Variants in CHN1 observed in about 807,000 individuals in gnomAD.
CHN1 encodes N-chimaerin.
A neutral mutation model predicts 59.5 loss-of-function variants in CHN1; 37 were observed. The ratio of observed to expected loss-of-function variants is 0.62; its 90% confidence interval spans 0.48 to 0.82. CHN1 has a LOEUF of 0.82. Among genes scored for constraint, CHN1 ranks in the 40% least tolerant of loss-of-function variants. The probability of loss-of-function intolerance (pLI) is 0.00; values close to 1 mark genes in which losing one functional copy is unlikely to be tolerated. For synonymous variants in CHN1, 206 were observed against 200.4 expected (o/e 1.03, Z -0.24); for missense variants, 469 against 571.0 (o/e 0.82, Z 1.82).
At chr2:174,822,417 A>G (rs1264994993) in intron 8 of CHN1, among the ~76,000 whole-genome samples, 1 of 152,206 alleles carries the variant, frequency 6.6e-6, no homozygotes, top group Non-Finnish European at 1.5e-5. Flanking sequence ...GTTGTAGCGT[A>G]TTCCCAAAGA....
At chr2:174,971,021 AAT>A (rs1463820881) in intron 1 of CHN1, among the ~76,000 whole-genome samples, 1 of 152,226 alleles carries the variant, frequency 6.6e-6, no homozygotes, top group African/African-American at 2.4e-5. Context: ...TACATTTAAA[AAT>A]ATAGTCATTT....
chr2:174,990,289 G>C (rs1438926307), intron 1 of CHN1, among the ~76,000 whole-genome samples: 1 of 134,554 alleles, frequency 7.4e-6, no homozygotes, highest in Admixed American at 7.6e-5. Context: ...GAGAGAGAGC[G>C]CGAGCGCAAG....
intron 8 of CHN1, among the ~76,000 whole-genome samples, chr2:174,815,155 T>A (rs1403989476): frequency 6.6e-6 from 1 of 152,148 alleles, no homozygotes; most frequent in African/African-American, 2.4e-5. Flanking sequence ...AGTGGGAGAA[T>A]TGCTTAAGGC....
intron 6 of CHN1, 67 bp from the exon 7 acceptor site, chr2:174,847,024 C>A: frequency 6.4e-7 from 1 of 1,551,624 alleles, no homozygotes; most frequent in South Asian, 1.2e-5. Context: ...AACCCAGTTT[C>A]ATTCCCAAGG....
rs1160980146 is a variant in CHN1, at chr2:174,847,393, TAAAAAG to T, written c.550-442_550-437del. On this transcript the variant is annotated intron_variant, in intron 6 of 12. Coordinates refer to ENST00000409900, the MANE Select transcript of CHN1 (RefSeq NM_001822.7). ...CTAAAAACTTGAGTCTGAACAGAAA[TAAAAAG>T]AAAGAGTCGATGCTAACATACAAAA... 8 of 1,231,486 alleles carry T rather than the reference TAAAAAG, an allele frequency of 6.5e-6. No individual in the cohort carries two copies. The Admixed American group carries it at 1.2e-4, about 18-fold the overall frequency. 76.3% of individuals were successfully genotyped at this position (1,231,486 alleles called of 1,614,324 possible).
At chr2:174,801,894 A>G (rs2105371039) in intron 11 of CHN1, 82 bp from the exon 12 acceptor site, 1 of 1,028,616 alleles carries the variant, frequency 9.7e-7, no homozygotes, top group Non-Finnish European at 1.5e-6. Flanking sequence ...TATTCTTGTG[A>G]TAATGCTCTG....
chr2:174,821,740 C>G, intron 8 of CHN1: 1 of 462,736 alleles, frequency 2.2e-6, no homozygotes, highest in Non-Finnish European at 4.5e-6. Flanking sequence ...AGACACTGAA[C>G]CTGCTGCCAG....
At chr2:174,904,707 G>C (rs1688490644) in intron 5 of CHN1, among the ~76,000 whole-genome samples, 1 of 152,300 alleles carries the variant, frequency 6.6e-6, no homozygotes. Flanking sequence ...TTTTAAACAA[G>C]TTATATTTCT....
intron 3 of CHN1, among the ~76,000 whole-genome samples, chr2:174,926,946 G>A (rs554092825): frequency 6.6e-6 from 1 of 152,094 alleles, no homozygotes; most frequent in East Asian, 1.9e-4. Flanking sequence ...TTTTAGTAGA[G>A]ACGGGGTTTC....
chr2:174,849,641 TC>T, intron 6 of CHN1, among the ~76,000 whole-genome samples: 1 of 152,340 alleles, frequency 6.6e-6, no homozygotes, highest in African/African-American at 2.4e-5. Flanking sequence ...AGCCATCTAC[TC>T]ATATATAGAA....
chr2:174,950,149 G>C (rs895541801), intron 2 of CHN1, among the ~76,000 whole-genome samples: 3 of 152,066 alleles, frequency 2.0e-5, no homozygotes, highest in Non-Finnish European at 4.4e-5. Flanking sequence ...TCAGGAGGTT[G>C]AAGTGGGAGG....
At chr2:174,918,074 CATT>C (rs1198609659) in intron 4 of CHN1, among the ~76,000 whole-genome samples, 2 of 151,970 alleles carry the variant, frequency 1.3e-5, no homozygotes, top group African/African-American at 2.4e-5. Context: ...AAATTGTTAA[CATT>C]AGTTGTTTCT....
chr2:174,946,851 C>T (rs939143797), intron 2 of CHN1, among the ~76,000 whole-genome samples: 6 of 142,868 alleles, frequency 4.2e-5, no homozygotes, highest in Non-Finnish European at 7.5e-5. Flanking sequence ...ATCATTTGAG[C>T]TCAAGAGACC....
chr2:174,879,297 GAAATA>G (rs1420619734), intron 5 of CHN1, among the ~76,000 whole-genome samples: 6 of 152,138 alleles, frequency 3.9e-5, no homozygotes, highest in South Asian at 2.1e-4. Flanking sequence ...GTATGGAAAG[GAAATA>G]AAATATTTTT....
chr2:174,930,927 A>T (rs2105387523), intron 3 of CHN1, among the ~76,000 whole-genome samples: 1 of 152,056 alleles, frequency 6.6e-6, no homozygotes, highest in South Asian at 2.1e-4. Context: ...CACCTACGCC[A>T]GGCTAATTTT....
chr2:174,887,526 G>C (rs1340340260), intron 5 of CHN1, among the ~76,000 whole-genome samples: 1 of 152,052 alleles, frequency 6.6e-6, no homozygotes, highest in African/African-American at 2.4e-5. Context: ...TATAGATAAG[G>C]AAACTGAAAC....
chr2:174,960,030 A>T (rs1690348703), intron 1 of CHN1, among the ~76,000 whole-genome samples: 2 of 152,124 alleles, frequency 1.3e-5, no homozygotes, highest in African/African-American at 4.8e-5. Flanking sequence ...TGGCATTTGG[A>T]GGCAGATGGG....
At chr2:174,955,544 C>T (rs1042341459) in intron 1 of CHN1, among the ~76,000 whole-genome samples, 3 of 151,724 alleles carry the variant, frequency 2.0e-5, no homozygotes, top group Non-Finnish European at 4.4e-5. Context: ...GTACAATGCT[C>T]GGGTGATAGG....
chr2:174,929,415 T>G (rs1460634048), intron 3 of CHN1, among the ~76,000 whole-genome samples: 7 of 151,888 alleles, frequency 4.6e-5, no homozygotes, highest in Non-Finnish European at 8.8e-5. Flanking sequence ...CTGCCTCTAC[T>G]AAAAATACAA....
Sources: allele counts gnomAD v4.1 joint callset (sites outside exome capture counted in the v4.1 genomes callset), GRCh38; gene constraint gnomAD v4.1.1; transcripts MANE v1.5; gene names NCBI Gene and HGNC (gene_info 2026-07-23, HGNC 2026-07-21).